The following CNTNAP2 variants were observed in gnomAD, a reference collection of about 807,000 sequenced individuals.
The protein encoded by CNTNAP2 is contactin-associated protein-like 2.
Under a neutral mutation model 155.2 loss-of-function variants are expected in CNTNAP2, and 98 were observed. The ratio of observed to expected loss-of-function variants is 0.63; its 90% CI spans 0.54 to 0.75. The LOEUF (loss-of-function observed/expected upper bound fraction) is 0.75, where lower values mean the gene tolerates loss of function less well. CNTNAP2 is among the 30% of genes least tolerant of loss of function. CNTNAP2 has a pLI of 0.00. For missense variants in CNTNAP2, 1,727 were observed against 1,688.1 expected (o/e 1.02, Z -0.40); for synonymous variants, 651 against 631.2 (o/e 1.03, Z -0.47).
intron 3 of CNTNAP2, among the ~76,000 whole-genome samples, chr7:146,963,826 T>C (rs1001065008): frequency 6.6e-6 from 1 of 152,188 alleles, no homozygotes; most frequent in African/African-American, 2.4e-5. Context: ...TTGTGTAGCT[T>C]ATGAAGTTTA....
At chr7:147,073,414 G>A (rs1402608185) in intron 4 of CNTNAP2, among the ~76,000 whole-genome samples, 2 of 151,988 alleles carry the variant, frequency 1.3e-5, no homozygotes, top group Admixed American at 6.6e-5. Flanking sequence ...TGCCTTTACG[G>A]CATCTACAAG....
chr7:148,094,815 A>G (rs1803927463), intron 15 of CNTNAP2, among the ~76,000 whole-genome samples: 1 of 152,214 alleles, frequency 6.6e-6, no homozygotes, highest in Non-Finnish European at 1.5e-5. Flanking sequence ...ATAGTTAAGC[A>G]CGTTCTGATA....
At chr7:148,340,752 C>G (rs1232231827) in intron 21 of CNTNAP2, among the ~76,000 whole-genome samples, 1 of 152,132 alleles carries the variant, frequency 6.6e-6, no homozygotes, top group Non-Finnish European at 1.5e-5. Context: ...ATTAGGAAAG[C>G]GTGGATTCTT....
intron 8 of CNTNAP2, among the ~76,000 whole-genome samples, chr7:147,176,999 CTA>C (rs556960893): frequency 0.047 from 6,440 of 136,590 alleles, 210 homozygotes; most frequent in Middle Eastern, 0.087. Context: ...AATTCTATAT[CTA>C]TAATTATATA....
At chr7:147,423,472 G>T (rs1050432870) in intron 10 of CNTNAP2, among the ~76,000 whole-genome samples, 3 of 152,244 alleles carry the variant, frequency 2.0e-5, no homozygotes, top group Admixed American at 2.0e-4. Flanking sequence ...TTTGTCCACT[G>T]TGTGTATCTT....
chr7:147,546,321 A>G (rs1799730482), intron 11 of CNTNAP2, among the ~76,000 whole-genome samples: 1 of 152,196 alleles, frequency 6.6e-6, no homozygotes. Flanking sequence ...ATCAGCAGGA[A>G]AAAAAGAAAA....
At chr7:146,218,065 T>C (rs1217049929) in intron 1 of CNTNAP2, among the ~76,000 whole-genome samples, 2 of 152,126 alleles carry the variant, frequency 1.3e-5, no homozygotes, top group African/African-American at 4.8e-5. Context: ...CCTTCCCAGG[T>C]GTGCTATCCT....
intron 1 of CNTNAP2, among the ~76,000 whole-genome samples, chr7:146,647,781 C>T (rs1026002302): frequency 6.6e-6 from 1 of 151,924 alleles, no homozygotes; most frequent in African/African-American, 2.4e-5. Context: ...GCTTTCATAT[C>T]TCTTTACCTA....
At chr7:148,286,850 C>A (rs548680896) in intron 21 of CNTNAP2, among the ~76,000 whole-genome samples, 1 of 152,312 alleles carries the variant, frequency 6.6e-6, no homozygotes, top group South Asian at 2.1e-4. Context: ...TTTCCATATA[C>A]TCCCTCACCC....
chr7:146,251,282 T>C (rs1368713116), intron 1 of CNTNAP2, among the ~76,000 whole-genome samples: 1 of 152,164 alleles, frequency 6.6e-6, no homozygotes, highest in Non-Finnish European at 1.5e-5. Context: ...TATAAATAAA[T>C]TTTGTTATCT....
Position 147,231,086 on chromosome 7 carries a change from A to C in CNTNAP2, c.1349-69055A>C, listed in dbSNP as rs147036706. 2.7e-3 allele frequency among the ~76,000 whole-genome samples: 409 copies of C among 152,328 alleles called. 1 individual carries two copies. The highest frequency in any genetic ancestry group is 9.2e-3 in the African/African-American group (383 of 41,578). On this transcript the variant is annotated intron_variant, in intron 8 of 23. Transcript: ENST00000361727. The stretch of plus-strand genomic sequence containing the variant: ...AAGAGTGAAGCAAGCGGGAACTGCC[A>C]AACACTTTTAAAACATCAGCTCTCC...
chr7:146,651,425 A>G (rs1188361879), intron 1 of CNTNAP2, among the ~76,000 whole-genome samples: 2 of 152,196 alleles, frequency 1.3e-5, no homozygotes, highest in East Asian at 1.9e-4. Flanking sequence ...GCTATTTCAC[A>G]TAACAAGACT....
chr7:146,804,284 A>G (rs1802930338), intron 2 of CNTNAP2, among the ~76,000 whole-genome samples: 1 of 152,220 alleles, frequency 6.6e-6, no homozygotes, highest in African/African-American at 2.4e-5. Flanking sequence ...TTTATTTGAT[A>G]GAAATACATT....
intron 1 of CNTNAP2, among the ~76,000 whole-genome samples, chr7:146,729,787 G>A (rs1039881584): frequency 1.9e-4 from 29 of 151,876 alleles, no homozygotes; most frequent in South Asian, 8.3e-4. Context: ...TAAAACCCTC[G>A]GAAAGATTTT....
At chr7:146,164,857 G>A (rs1208211213) in intron 1 of CNTNAP2, among the ~76,000 whole-genome samples, 1 of 152,088 alleles carries the variant, frequency 6.6e-6, no homozygotes, top group African/African-American at 2.4e-5. Flanking sequence ...AGTTCTTTGA[G>A]GCTTATATTC....
intron 12 of CNTNAP2, among the ~76,000 whole-genome samples, chr7:147,592,121 A>G (rs1263906543): frequency 1.3e-5 from 2 of 152,160 alleles, no homozygotes; most frequent in African/African-American, 2.4e-5. Context: ...GTGAACAGGG[A>G]CTGTGTCCTG....
chr7:146,393,318 T>C (rs1230297715), intron 1 of CNTNAP2, among the ~76,000 whole-genome samples: 3 of 152,192 alleles, frequency 2.0e-5, no homozygotes, highest in African/African-American at 7.2e-5. Flanking sequence ...AGGTATGACA[T>C]AATAGATGCC....
At chr7:147,777,540 T>A (rs188517644) in intron 13 of CNTNAP2, among the ~76,000 whole-genome samples, 1 of 152,256 alleles carries the variant, frequency 6.6e-6, no homozygotes, top group East Asian at 1.9e-4. Flanking sequence ...GGGCAGCAGC[T>A]TGTACACTGG....
chr7:148,078,349 G>GC (rs11397191), intron 15 of CNTNAP2, among the ~76,000 whole-genome samples: 152,359 of 152,360 alleles, frequency 1, 76,179 homozygotes, highest in Non-Finnish European at 1. Flanking sequence ...CAGGCGTTGA[G>GC]CAAGGCATTG....
Sources: allele counts gnomAD v4.1 joint callset (sites outside exome capture counted in the v4.1 genomes callset), GRCh38; gene constraint gnomAD v4.1.1; transcripts MANE v1.5; gene names NCBI Gene and HGNC (gene_info 2026-07-23, HGNC 2026-07-21).